CCDC33: variants seen among roughly 807,000 people sequenced by gnomAD.
CCDC33 encodes coiled-coil domain containing 33.
Under a neutral mutation model 91.9 loss-of-function variants are expected in CCDC33, and 94 were observed. The observed-to-expected ratio is 1.02, with a 90% CI of 0.87 to 1.21. The LOEUF (loss-of-function observed/expected upper bound fraction) is 1.21. Ranked by LOEUF, CCDC33 falls within the 50% of genes most tolerant of loss-of-function variation. CCDC33 has a pLI of 0.00. For missense variants in CCDC33, 940 were observed against 935.5 expected, an observed-to-expected ratio of 1.00 and a Z score of -0.06; for synonymous variants, 396 against 374.5, an observed-to-expected ratio of 1.06 and a Z score of -0.66.
At position 74,236,636 on chromosome 15, in the gene CCDC33, G is replaced by A; in HGVS notation, c.-84G>A. On this transcript the variant is annotated 5_prime_UTR_variant, in exon 1 of 19. Transcript: ENST00000398814. ...GACGCCCAGGCCAGCTGTCTGGGCA[G>A]GACTGATTCCTGATCACCCACTGAT... is the stretch of plus-strand genomic sequence containing the variant. 7.4e-7 allele frequency: 1 copy of A among 1,343,864 alleles called. No individual in the cohort carries two copies. Among genetic ancestry groups the A allele is most frequent in the Non-Finnish European group, 1.1e-6 (1 of 942,250 alleles). The allele number at this position is 1,343,864 out of a possible 1,614,324, so 83.2% of individuals were successfully genotyped here.
intron 2 of CCDC33, among the ~76,000 whole-genome samples, chr15:74,226,387 A>G (rs1448047537): frequency 2.0e-5 from 3 of 152,208 alleles, no homozygotes; most frequent in Non-Finnish European, 2.9e-5. Flanking sequence ...ACAGAGTCCT[A>G]TCTACTAACA....
chr15:74,299,842 T>C (rs1250002216), intron 11 of CCDC33: 6 of 152,350 alleles, frequency 3.9e-5, no homozygotes, highest in Non-Finnish European at 2.9e-5. Context: ...ACTCATCATT[T>C]CTCTCTCTCA....
intron 5 of CCDC33, among the ~76,000 whole-genome samples, chr15:74,270,643 G>A (rs965492403): frequency 6.6e-6 from 1 of 152,150 alleles, no homozygotes; most frequent in African/African-American, 2.4e-5. Context: ...GGTGAGGGCT[G>A]AGGGAGAGTG....
intron 2 of CCDC33, among the ~76,000 whole-genome samples, chr15:74,222,893 C>G (rs392267): frequency 6.6e-6 from 1 of 150,954 alleles, no homozygotes; most frequent in Non-Finnish European, 1.5e-5. Flanking sequence ...CCTTTAAGGC[C>G]CAAGCACTCC....
At chr15:74,336,228 T>G, downstream of CCDC33, 3 of 1,428,716 alleles carry the variant, frequency 2.1e-6, no homozygotes, top group Non-Finnish European at 2.7e-6. Context: ...CTGGGTCTTC[T>G]GCTGCAGCCT....
chr15:74,295,687 G>A (rs1003786949), intron 10 of CCDC33, 67 bp from the exon 11 acceptor site: 1 of 1,384,868 alleles, frequency 7.2e-7, no homozygotes, highest in Non-Finnish European at 9.9e-7. Context: ...TGTAGATGGT[G>A]TGCTTATGGT....
At chr15:74,249,913 C>G (rs185589121) in intron 2 of CCDC33, among the ~76,000 whole-genome samples, 24 of 152,324 alleles carry the variant, frequency 1.6e-4, no homozygotes, top group African/African-American at 5.5e-4. Context: ...CAAGTTACCC[C>G]ACTCTCCCAC....
At chr15:74,317,714 C>A (rs955655425) in intron 11 of CCDC33, among the ~76,000 whole-genome samples, 2 of 152,142 alleles carry the variant, frequency 1.3e-5, no homozygotes, top group Non-Finnish European at 2.9e-5. Context: ...GCCTTTGGGA[C>A]CAAGCTTGTC....
chr15:74,333,108 C>A (rs1352376973), intron 16 of CCDC33: 2 of 898,390 alleles, frequency 2.2e-6, no homozygotes, highest in South Asian at 1.5e-5. Flanking sequence ...TGAACCCTGA[C>A]CCCTTTTTCA....
At chr15:74,225,892 T>A (rs1182516344) in intron 2 of CCDC33, among the ~76,000 whole-genome samples, 1 of 152,196 alleles carries the variant, frequency 6.6e-6, no homozygotes, top group African/African-American at 2.4e-5. Flanking sequence ...GCCTGGGTCC[T>A]GGGCTAGTTC....
chr15:74,208,111 GGGTAGCC>G, intron 1 of CCDC33: 1 of 1,124,820 alleles, frequency 8.9e-7, no homozygotes, highest in Admixed American at 4.0e-5. Context: ...AGGAGGAGGA[GGGTAGCC>G]GGCTGTGCCA....
intron 11 of CCDC33, among the ~76,000 whole-genome samples, chr15:74,315,177 C>T (rs1596101925): frequency 1.3e-5 from 2 of 152,202 alleles, no homozygotes; most frequent in Admixed American, 6.5e-5. Flanking sequence ...GGCATCTGGA[C>T]CTTCTGGCTA....
chr15:74,243,144 C>G (rs1484596505), intron 1 of CCDC33, among the ~76,000 whole-genome samples: 2 of 152,244 alleles, frequency 1.3e-5, no homozygotes, highest in African/African-American at 2.4e-5. Context: ...GGGCAGGCAC[C>G]TCTTCCTCCC....
chr15:74,280,881 C>A, intron 9 of CCDC33, 80 bp downstream of exon 9: 1 of 1,300,354 alleles, frequency 7.7e-7, no homozygotes, highest in Non-Finnish European at 1.0e-6. Context: ...CCTCACCACA[C>A]CTCCATAGGA....
intron 11 of CCDC33, among the ~76,000 whole-genome samples, chr15:74,326,891 C>T (rs927009159): frequency 1.3e-5 from 2 of 152,132 alleles, no homozygotes; most frequent in Non-Finnish European, 2.9e-5. Context: ...TGGGCTGTGA[C>T]GCAGAGCATG....
At chr15:74,290,035 C>A (rs1206674095) in intron 10 of CCDC33, among the ~76,000 whole-genome samples, 2 of 151,914 alleles carry the variant, frequency 1.3e-5, no homozygotes, top group African/African-American at 4.9e-5. Flanking sequence ...CAAAACTTCT[C>A]AGAAAATGGG....
At chr15:74,278,871 G>A (rs1596012477) in intron 7 of CCDC33, among the ~76,000 whole-genome samples, 1 of 152,256 alleles carries the variant, frequency 6.6e-6, no homozygotes, top group Admixed American at 6.5e-5. Context: ...CTGACCTAGG[G>A]TGCCATCAAG....
At chr15:74,287,530 G>T (rs755491208) in intron 10 of CCDC33, among the ~76,000 whole-genome samples, 1 of 152,178 alleles carries the variant, frequency 6.6e-6, no homozygotes, top group Non-Finnish European at 1.5e-5. Flanking sequence ...AGAGCTGGGC[G>T]TGGTGGCTCT....
chr15:74,232,990 G>A (rs145832345), upstream of CCDC33, among the ~76,000 whole-genome samples: 51 of 152,188 alleles, frequency 3.4e-4, no homozygotes, highest in African/African-American at 7.9e-4. Context: ...CTCTGTTCCC[G>A]GCTTCCAGGC....
Sources: allele counts gnomAD v4.1 joint callset (sites outside exome capture counted in the v4.1 genomes callset), GRCh38; gene constraint gnomAD v4.1.1; transcripts MANE v1.5; gene names NCBI Gene and HGNC (gene_info 2026-07-23, HGNC 2026-07-21).